MROH7: variants seen among roughly 807,000 people sequenced by gnomAD.
The protein encoded by MROH7 is maestro heat like repeat family member 7, also known as maestro heat-like repeat-containing protein family member 7.
A neutral mutation model predicts 129.2 loss-of-function variants in MROH7; 113 were observed. The observed-to-expected ratio is 0.87, with a 90% CI of 0.75 to 1.02. The LOEUF (loss-of-function observed/expected upper bound fraction) is 1.02, where lower values mean the gene tolerates loss of function less well. Ranked by LOEUF, MROH7 falls within the 50% of genes least tolerant of loss-of-function variation. The pLI, the probability that MROH7 is intolerant of heterozygous loss-of-function variation, is 0.00. For missense variants in MROH7, 1,601 were observed against 1,671.3 expected, an observed-to-expected ratio of 0.96 and a Z score of 0.73; for synonymous variants, 655 against 667.9, an observed-to-expected ratio of 0.98 and a Z score of 0.30.
rs1330546252 is a variant in MROH7 at position 54,654,131 on chromosome 1, C to T, written c.1205C>T (p.Ala402Val). ...ATCTCCAACCCCGCAGGCAAGGACG[C>T]CGTGACCTTGCAAGGCATCCCTGAG... ...FPISNPAGKDAVTLQGIPEGA... is the reference protein window; with the variant it reads ...FPISNPAGKDVVTLQGIPEGA... The change falls in exon 3 of 24, where the codon GCC (alanine) becomes GTC (valine). Residue 402 changes from alanine to valine, a missense_variant. By Grantham distance (64) the Ala-to-Val change is moderately conservative (BLOSUM62 0). Coordinates refer to ENST00000421030, the MANE Select transcript of MROH7 (RefSeq NM_001039464.4). 4 of 1,612,180 alleles carry T rather than the reference C, an allele frequency of 2.5e-6. No individual in the cohort carries two copies. The highest frequency in any genetic ancestry group is 3.4e-6 in the Non-Finnish European group (4 of 1,179,118).
chr1:54,645,419 A>G (rs144440331), intron 1 of MROH7, among the ~76,000 whole-genome samples: 3,970 of 151,874 alleles, frequency 0.026, 175 homozygotes, highest in African/African-American at 0.091. Flanking sequence ...AGCTGGGATT[A>G]CAGGTATGCA....
chr1:54,674,883 C>G (rs190012593), intron 10 of MROH7, among the ~76,000 whole-genome samples: 1 of 152,320 alleles, frequency 6.6e-6, no homozygotes, highest in East Asian at 1.9e-4. Flanking sequence ...AAGAGCTGCT[C>G]CTATCGCTGC....
intron 14 of MROH7, among the ~76,000 whole-genome samples, chr1:54,683,713 TG>T (rs1366643874): frequency 6.6e-6 from 1 of 152,140 alleles, no homozygotes; most frequent in African/African-American, 2.4e-5. Context: ...CACGGGTCTT[TG>T]TCAGAACTTC....
At chr1:54,654,385 T>C (rs1247066411) in intron 3 of MROH7, among the ~76,000 whole-genome samples, 2 of 152,158 alleles carry the variant, frequency 1.3e-5, no homozygotes, top group Non-Finnish European at 2.9e-5. Flanking sequence ...GTAATATCAG[T>C]ATATAGCCGG....
rs1644944162 is a variant in MROH7, at chr1:54,674,025, G to C, written c.1810G>C (p.Gly604Arg). The change falls in exon 10 of 24, where the codon GGG becomes CGG. Residue 604 changes from glycine to arginine, a missense_variant. Coordinates refer to ENST00000421030, the MANE Select transcript of MROH7 (RefSeq NM_001039464.4). ...LLTLPFFMPLGFPALGLLLGR... is the reference protein window; with the variant it reads ...LLTLPFFMPLRFPALGLLLGR... ...ATTGCAATACAAACAGATGCCCTTGGGGTTCCCGGCGCTGGGGCTTCTGCT... is the reference window on the plus strand; with the variant it reads ...ATTGCAATACAAACAGATGCCCTTGCGGTTCCCGGCGCTGGGGCTTCTGCT... 6.2e-7 allele frequency: 1 copy of C among 1,613,912 alleles called. No individual in the cohort carries two copies. Among genetic ancestry groups the C allele is most frequent in the Admixed American group, 1.7e-5 (1 of 59,966 alleles).
At chr1:54,688,404 G>GT (rs137931083) in intron 15 of MROH7, among the ~76,000 whole-genome samples, 59 of 152,042 alleles carry the variant, frequency 3.9e-4, no homozygotes, top group Non-Finnish European at 4.6e-4. Flanking sequence ...AAGTTTATCA[G>GT]TTTTTTCTTC....
intron 1 of MROH7, among the ~76,000 whole-genome samples, chr1:54,643,693 C>A (rs1253701279): frequency 6.6e-6 from 1 of 152,180 alleles, no homozygotes; most frequent in African/African-American, 2.4e-5. Flanking sequence ...AAGCTACACC[C>A]ACACCCCAAC....
intron 3 of MROH7, among the ~76,000 whole-genome samples, chr1:54,657,235 C>T (rs949507031): frequency 1.3e-5 from 2 of 151,566 alleles, no homozygotes; most frequent in Non-Finnish European, 1.5e-5. Flanking sequence ...ATTTTTAGTA[C>T]AGACAGGATT....
chr1:54,676,384 C>T (rs547711), intron 10 of MROH7, among the ~76,000 whole-genome samples: 43,618 of 151,312 alleles, frequency 0.29, 6,379 homozygotes, highest in Middle Eastern at 0.4. Context: ...ACTACAGGCA[C>T]GTGCCACCAT....
intron 3 of MROH7, among the ~76,000 whole-genome samples, chr1:54,657,393 T>G (rs1203858599): frequency 6.6e-6 from 1 of 151,948 alleles, no homozygotes; most frequent in Non-Finnish European, 1.5e-5. Flanking sequence ...ATTATTATTT[T>G]TTAGGGTCAG....
At chr1:54,704,865 T>C (rs1431618102) in intron 21 of MROH7, among the ~76,000 whole-genome samples, 1 of 142,612 alleles carries the variant, frequency 7.0e-6, no homozygotes, top group Non-Finnish European at 1.5e-5. Flanking sequence ...AATGGTGTGA[T>C]CTCCGCTCAT....
At chr1:54,708,967 G>GGGGGGGGGGGGGGGGCC in intron 22 of MROH7, 47 bp from the exon 23 acceptor site, 1 of 1,329,394 alleles carries the variant, frequency 7.5e-7, no homozygotes, top group African/African-American at 1.5e-5. Context: ...TTGGGGTGGG[G>GGGGGGGGGGGGGGGGCC]TCGACGTCGG....
At chr1:54,656,091 A>C (rs1341925176) in intron 3 of MROH7, among the ~76,000 whole-genome samples, 1 of 150,592 alleles carries the variant, frequency 6.6e-6, no homozygotes, top group Non-Finnish European at 1.5e-5. Context: ...ACAGGGTTTC[A>C]CCATGTTGGC....
At chr1:54,668,977 A>G (rs946147108) in intron 5 of MROH7, 40 bp downstream of exon 5, 19 of 698,120 alleles carry the variant, frequency 2.7e-5, no homozygotes, top group Non-Finnish European at 4.1e-5. Flanking sequence ...TTGGGGTGGG[A>G]GGGGGCAGAA....
intron 13 of MROH7, among the ~76,000 whole-genome samples, chr1:54,681,928 G>A (rs555640142): frequency 2.8e-4 from 42 of 152,262 alleles, no homozygotes; most frequent in Non-Finnish European, 5.3e-4. Context: ...ACCTCTCTGA[G>A]CCTCAATTCC....
At chr1:54,660,857 AT>A (rs1644721550) in intron 3 of MROH7, among the ~76,000 whole-genome samples, 1 of 152,132 alleles carries the variant, frequency 6.6e-6, no homozygotes, top group Non-Finnish European at 1.5e-5. Context: ...AAAATAAAAA[AT>A]CATAGTCATT....
At chr1:54,673,544 C>G (rs532149710) in intron 8 of MROH7, among the ~76,000 whole-genome samples, 157 bp from the exon 9 acceptor site, 1 of 152,282 alleles carries the variant, frequency 6.6e-6, no homozygotes, top group Admixed American at 6.5e-5. Flanking sequence ...ATTCTGAACT[C>G]TATCTCTGCC....
At chr1:54,649,997 CCA>C (rs753047081) in intron 1 of MROH7, among the ~76,000 whole-genome samples, 1 of 152,196 alleles carries the variant, frequency 6.6e-6, no homozygotes, top group Non-Finnish European at 1.5e-5. Flanking sequence ...GAACTTGCTT[CCA>C]AGGCAGATGC....
rs1362184908 is a variant in MROH7 at position 54,702,671 on chromosome 1, T to C, written c.3490T>C (p.Leu1164=). Residue 1164 remains leucine, a synonymous_variant, in exon 21 of 24, where the codon TTG becomes CTG. Coordinates refer to ENST00000421030, the MANE Select transcript of MROH7 (RefSeq NM_001039464.4). ...CTGTTCTTACTTCATGGCTTGGGAG[T>C]TGCCAAAAAGAGCTTATAGCCGGAA... ...LRCSYFMAWE[L]PKRAYSRKPW... 1 of 1,613,522 alleles carries C rather than the reference T, an allele frequency of 6.2e-7. No individual in the cohort carries two copies. Among genetic ancestry groups the C allele is most frequent in the Admixed American group, 1.7e-5 (1 of 59,944 alleles).
Sources: gnomAD v4.1 joint callset for allele counts (sites outside exome capture counted in the v4.1 genomes callset) on GRCh38, gnomAD v4.1.1 for gene constraint, MANE v1.5 for transcripts, NCBI Gene and HGNC (gene_info 2026-07-23, HGNC 2026-07-21) for gene names.